Variants in C12orf76 observed in about 807,000 individuals in gnomAD.
C12orf76 encodes the protein uncharacterized protein C12orf76.
C12orf76 carries 6 observed loss-of-function variants against 6.8 expected under a neutral mutation model. That is an observed-to-expected ratio of 0.88 (90% CI 0.48 to 1.73). C12orf76 has a LOEUF of 1.73. C12orf76 is among the 40% of genes most tolerant of loss of function. The probability of loss-of-function intolerance (pLI) is 0.01; values close to 1 mark genes in which losing one functional copy is unlikely to be tolerated. For missense variants in C12orf76, 99 were observed against 98.2 expected, an observed-to-expected ratio of 1.01 and a Z score of -0.03; for synonymous variants, 56 against 43.7, an observed-to-expected ratio of 1.28 and a Z score of -1.11.
intron 2 of C12orf76, among the ~76,000 whole-genome samples, chr12:110,063,296 G>T (rs1425033734): frequency 6.6e-6 from 1 of 151,324 alleles, no homozygotes. Flanking sequence ...ATTTTTTATT[G>T]TTTTGAGACG....
chr12:110,066,367 TAAAAAAAAAA>T (rs71079598), intron 1 of C12orf76, among the ~76,000 whole-genome samples: 4 of 15,296 alleles, frequency 2.6e-4, no homozygotes, highest in Non-Finnish European at 4.4e-4. Flanking sequence ...AGACTCCATC[TAAAAAAAAAA>T]AAAAAAAAAA....
At chr12:110,071,687 A>T (rs932442682), upstream of C12orf76, among the ~76,000 whole-genome samples, 1 of 151,996 alleles carries the variant, frequency 6.6e-6, no homozygotes, top group Non-Finnish European at 1.5e-5. Context: ...ATCATCATCA[A>T]CATCATCATC....
At chr12:110,051,098 C>T (rs1474912629), upstream of C12orf76, 5 of 780,808 alleles carry the variant, frequency 6.4e-6, no homozygotes, top group East Asian at 1.2e-4. Flanking sequence ...GTCCTTTTCA[C>T]CTTGCTGTGC....
intron 1 of C12orf76, chr12:110,067,409 G>C (rs1248271059): frequency 1.0e-6 from 1 of 985,314 alleles, no homozygotes; most frequent in African/African-American, 1.7e-5. Flanking sequence ...GCCAGGACTA[G>C]AGAAGTAGAC....
chr12:110,047,766 T>C (rs888125311), intron 1 of C12orf76, among the ~76,000 whole-genome samples: 2 of 152,246 alleles, frequency 1.3e-5, no homozygotes, highest in African/African-American at 4.8e-5. Flanking sequence ...ACAAAGTGCG[T>C]AGCACAAGAC....
At chr12:110,052,615 G>A (rs540656711), upstream of C12orf76, among the ~76,000 whole-genome samples, 2 of 152,258 alleles carry the variant, frequency 1.3e-5, no homozygotes, top group Admixed American at 6.5e-5. Context: ...ATGTGCCATC[G>A]CGTCCAGCCT....
At chr12:110,067,527 G>T in exon 1 of C12orf76, 1 of 985,420 alleles carries the variant, frequency 1.0e-6, no homozygotes, top group Non-Finnish European at 1.2e-6. Flanking sequence ...CTGGTAACAG[G>T]ATCTTCCTTC....
chr12:110,062,623 A>AT (rs35576534), intron 2 of C12orf76, among the ~76,000 whole-genome samples: 25,132 of 143,560 alleles, frequency 0.18, 2,448 homozygotes, highest in Admixed American at 0.29. Context: ...AAAAAAAGAG[A>AT]TTTTTTTTTT....
chr12:110,066,097 CAG>C, intron 1 of C12orf76: 1 of 1,434,748 alleles, frequency 7.0e-7, no homozygotes, highest in Non-Finnish European at 9.1e-7. Context: ...CGAAGATGGT[CAG>C]GGGCAGGCCG....
chr12:110,058,065 C>CAAA (rs59838926), intron 3 of C12orf76, among the ~76,000 whole-genome samples: 711 of 51,028 alleles, frequency 0.014, no homozygotes, highest in East Asian at 0.029. Flanking sequence ...GACTCGGTCT[C>CAAA]AAAAAAAAAA....
intron 1 of C12orf76, chr12:110,045,967 T>C: frequency 5.0e-6 from 1 of 199,884 alleles, no homozygotes; most frequent in Non-Finnish European, 1.1e-5. Flanking sequence ...TAAAAAATAA[T>C]AATAAAAATA....
At chr12:110,069,358 G>A (rs763780702), upstream of C12orf76, among the ~76,000 whole-genome samples, 3 of 152,078 alleles carry the variant, frequency 2.0e-5, no homozygotes, top group Non-Finnish European at 4.4e-5. Flanking sequence ...GAGAATGGCC[G>A]GAACCCGGGA....
upstream of C12orf76, among the ~76,000 whole-genome samples, chr12:110,070,427 G>A (rs61940916): frequency 1.1e-3 from 162 of 152,042 alleles, 2 homozygotes; most frequent in Non-Finnish European, 9.7e-4. Context: ...TTAGCCAGGC[G>A]TCATGGCATG....
chr12:110,052,798 C>T (rs1892602475), upstream of C12orf76, among the ~76,000 whole-genome samples: 1 of 152,228 alleles, frequency 6.6e-6, no homozygotes, highest in African/African-American at 2.4e-5. Flanking sequence ...CTGTTCTCCA[C>T]CTTGGCTATG....
At chr12:110,058,404 C>T (rs1047516605) in intron 3 of C12orf76, among the ~76,000 whole-genome samples, 3 of 152,072 alleles carry the variant, frequency 2.0e-5, no homozygotes, top group African/African-American at 4.8e-5. Flanking sequence ...TGCCTCACGC[C>T]TGTAATCCCA....
chr12:110,052,804 C>T (rs1353052054), upstream of C12orf76, among the ~76,000 whole-genome samples: 1 of 152,226 alleles, frequency 6.6e-6, no homozygotes, highest in African/African-American at 2.4e-5. Flanking sequence ...TCCACCTTGG[C>T]TATGTAACCA....
chr12:110,046,263 TA>T (rs1284936581), intron 1 of C12orf76, among the ~76,000 whole-genome samples: 2 of 152,036 alleles, frequency 1.3e-5, no homozygotes, highest in Non-Finnish European at 2.9e-5. Flanking sequence ...CCATCTCTAC[TA>T]AAAATACAAA....
upstream of C12orf76, among the ~76,000 whole-genome samples, chr12:110,068,329 A>AAGAAGG (rs1157443112): frequency 1.7e-3 from 217 of 127,096 alleles, 2 homozygotes; most frequent in African/African-American, 5.8e-3. Context: ...GAAGAAGAAG[A>AAGAAGG]AGGCGGCCAA....
In C12orf76 at chr12:110,041,480, T is replaced by C. The variant is rs930935893; in HGVS notation, c.*894A>G. 1.3e-5 allele frequency: 2 copies of C among 152,516 alleles called. No homozygotes were observed. The highest frequency in any genetic ancestry group is 2.4e-5 in the African/African-American group (1 of 41,452). The allele number at this position is 152,516 out of a possible 1,614,324, so 9.4% of individuals were successfully genotyped here. ...CCAGTTCACCAACAGTGGAAACTAA[T>C]AGCAGCATTTTCAAAGCTGAGATGA... On this transcript the variant is annotated 3_prime_UTR_variant, in exon 2 of 2. Transcript: ENST00000615315.
Sources: gnomAD v4.1 joint callset for allele counts (sites outside exome capture counted in the v4.1 genomes callset) on GRCh38, gnomAD v4.1.1 for gene constraint, MANE v1.5 for transcripts, NCBI Gene and HGNC (gene_info 2026-07-23, HGNC 2026-07-21) for gene names.